Variants in KHDRBS2 observed in about 807,000 individuals in gnomAD.
KHDRBS2 encodes KH domain-containing, RNA-binding, signal transduction-associated protein 2.
KHDRBS2 carries 26 observed loss-of-function variants against 44.3 expected under a neutral mutation model. That is an observed-to-expected ratio of 0.59 (90% CI 0.43 to 0.81). The LOEUF is 0.81. Among genes scored for constraint, KHDRBS2 ranks in the 40% least tolerant of loss-of-function variants. The probability of loss-of-function intolerance (pLI) is 0.00; values close to 1 mark genes in which losing one functional copy is unlikely to be tolerated. For missense variants in KHDRBS2, 476 were observed against 433.1 expected (o/e 1.10, Z -0.88); for synonymous variants, 194 against 151.1 (o/e 1.28, Z -2.08).
intron 6 of KHDRBS2, among the ~76,000 whole-genome samples, chr6:61,818,928 A>T (rs1286236638): frequency 6.6e-6 from 1 of 151,994 alleles, no homozygotes; most frequent in Non-Finnish European, 1.5e-5. Context: ...GAAAATATAC[A>T]TTCTTATGTA....
intron 3 of KHDRBS2, among the ~76,000 whole-genome samples, chr6:62,025,360 A>G (rs546656942): frequency 2.0e-5 from 3 of 151,690 alleles, no homozygotes; most frequent in Non-Finnish European, 4.4e-5. Flanking sequence ...TAATTTTTTA[A>G]TGAGAAAAAC....
At position 61,697,183 on chromosome 6, in the gene KHDRBS2, A is replaced by G. The variant is rs761955074; in HGVS notation, c.952+12T>C. On this transcript the variant is annotated intron_variant, in intron 8 of 8. Coordinates refer to ENST00000281156, the MANE Select transcript of KHDRBS2 (RefSeq NM_152688.4). ...TTCCGATTTCACAGTTTTAGTAAAG[A>G]AAAGGTCTTACCGTAGCTGTCATAG... 1 of 1,569,610 alleles carries G rather than the reference A, an allele frequency of 6.4e-7. No individual in the cohort carries two copies. Among genetic ancestry groups the G allele is most frequent in the Non-Finnish European group, 8.8e-7 (1 of 1,139,718 alleles).
chr6:61,943,920 A>G (rs1318034456), intron 4 of KHDRBS2, among the ~76,000 whole-genome samples: 1 of 152,182 alleles, frequency 6.6e-6, no homozygotes, highest in African/African-American at 2.4e-5. Context: ...CAGTATCAGT[A>G]GACATCAGGG....
chr6:61,620,868 G>C, the KHDRBS2 span, among the ~76,000 whole-genome samples: 1 of 152,154 alleles, frequency 6.6e-6, no homozygotes, highest in Non-Finnish European at 1.5e-5. Context: ...TAAAGCTCCT[G>C]CTACCCATTC....
At chr6:61,899,273 G>T (rs961102777) in intron 5 of KHDRBS2, among the ~76,000 whole-genome samples, 3 of 151,894 alleles carry the variant, frequency 2.0e-5, no homozygotes, top group East Asian at 3.9e-4. Flanking sequence ...AAAAGGAAAA[G>T]AATATCTCTT....
At chr6:61,604,080 C>A in the KHDRBS2 span, among the ~76,000 whole-genome samples, 1 of 152,244 alleles carries the variant, frequency 6.6e-6, no homozygotes, top group Non-Finnish European at 1.5e-5. Context: ...CAAGCCCTTG[C>A]TCTTGCAAAA....
chr6:61,953,614 C>A lies in KHDRBS2; in HGVS notation c.483+24452G>T, dbSNP rs1046024464. 3.9e-5 allele frequency among the ~76,000 whole-genome samples: 6 copies of A among 152,056 alleles called. No individual in the cohort carries two copies. The East Asian group carries it at 5.8e-4, about 15-fold the overall frequency. ...AACAATTAAGTATAGCTCTCTGAAA[C>A]AAAGTTGTAAAAATATAAAAAATGA... On this transcript the variant is annotated intron_variant, in intron 4 of 8. Coordinates refer to ENST00000281156, the MANE Select transcript of KHDRBS2 (RefSeq NM_152688.4).
chr6:62,235,694 C>A (rs1455587501), intron 1 of KHDRBS2, among the ~76,000 whole-genome samples: 3 of 151,934 alleles, frequency 2.0e-5, no homozygotes, highest in African/African-American at 4.8e-5. Context: ...ATTCTGAGTC[C>A]ATTTAAAATT....
intron 4 of KHDRBS2, among the ~76,000 whole-genome samples, chr6:61,934,932 GCTA>G (rs1810758709): frequency 6.6e-6 from 1 of 152,176 alleles, no homozygotes; most frequent in Admixed American, 6.5e-5. Context: ...CTTCATCATT[GCTA>G]CTAAGTATGG....
intron 6 of KHDRBS2, among the ~76,000 whole-genome samples, chr6:61,852,336 C>T (rs9363342): frequency 5.2e-4 from 79 of 152,020 alleles, no homozygotes; most frequent in East Asian, 4.6e-3. Context: ...GAAGCCAAGG[C>T]GGGCAGATTA....
intron 4 of KHDRBS2, among the ~76,000 whole-genome samples, chr6:61,905,461 A>G (rs954085377): frequency 1.3e-5 from 2 of 152,194 alleles, no homozygotes; most frequent in African/African-American, 4.8e-5. Flanking sequence ...AAAAAAAAAA[A>G]TTGAAGGTGG....
intron 4 of KHDRBS2, among the ~76,000 whole-genome samples, chr6:61,977,658 C>T (rs750324594): frequency 4.6e-5 from 7 of 152,010 alleles, no homozygotes; most frequent in Non-Finnish European, 8.8e-5. Flanking sequence ...CAAATTATTA[C>T]ATATCTGATC....
chr6:61,797,312 A>G (rs1469759229), intron 6 of KHDRBS2, among the ~76,000 whole-genome samples: 1 of 152,078 alleles, frequency 6.6e-6, no homozygotes, highest in Non-Finnish European at 1.5e-5. Context: ...CATATTTGAG[A>G]TGTATCTTAT....
chr6:62,202,224 T>C (rs1452983616), intron 1 of KHDRBS2, among the ~76,000 whole-genome samples: 4 of 152,102 alleles, frequency 2.6e-5, no homozygotes, highest in Non-Finnish European at 5.9e-5. Context: ...ATAAGAATTT[T>C]GAAATGAATT....
At chr6:62,026,700 G>C in intron 3 of KHDRBS2, among the ~76,000 whole-genome samples, 1 of 151,720 alleles carries the variant, frequency 6.6e-6, no homozygotes. Flanking sequence ...ATTAAGGTGT[G>C]AGCCCCCAAG....
chr6:61,783,253 C>T (rs759593201), intron 6 of KHDRBS2, among the ~76,000 whole-genome samples: 1 of 151,918 alleles, frequency 6.6e-6, no homozygotes, highest in East Asian at 1.9e-4. Flanking sequence ...TCTCACAGAC[C>T]GCTCCTTCTC....
At chr6:62,097,283 C>T (rs1800821461) in intron 2 of KHDRBS2, among the ~76,000 whole-genome samples, 2 of 151,776 alleles carry the variant, frequency 1.3e-5, no homozygotes, top group South Asian at 2.1e-4. Flanking sequence ...TGTGTCTCTG[C>T]TGATTTCCTA....
At chr6:61,871,485 T>C (rs1798653510) in intron 6 of KHDRBS2, among the ~76,000 whole-genome samples, 1 of 152,036 alleles carries the variant, frequency 6.6e-6, no homozygotes, top group Non-Finnish European at 1.5e-5. Flanking sequence ...AGAATAACAT[T>C]CAAATTCAGG....
rs531176664 is a variant in KHDRBS2, at chr6:62,129,638, G to A, written c.219+47547C>T. Among the ~76,000 whole-genome samples the A allele has an allele frequency of 3.0e-3, 454 of 152,172 alleles. 3 individuals carry two copies. Among genetic ancestry groups the A allele is most frequent in the Non-Finnish European group, 2.7e-3 (182 of 67,978 alleles). ...AGAATGTTCTTTAAGGTGCTTTACT[G>A]AACTGTGCTGTCCAATAAGATGGCC... On this transcript the variant is annotated intron_variant, in intron 2 of 8. Transcript: ENST00000281156.
Sources: gnomAD v4.1 joint callset for allele counts (sites outside exome capture counted in the v4.1 genomes callset) on GRCh38, gnomAD v4.1.1 for gene constraint, MANE v1.5 for transcripts, NCBI Gene and HGNC (gene_info 2026-07-23, HGNC 2026-07-21) for gene names.